Variants in SAMD4B observed in about 807,000 individuals in gnomAD.
The protein encoded by SAMD4B is sterile alpha motif domain containing 4B, also known as protein Smaug homolog 2.
In SAMD4B, 5 loss-of-function variants were observed where a neutral mutation model predicts 74.5. The ratio of observed to expected loss-of-function variants is 0.07; its 90% CI spans 0.04 to 0.14. The LOEUF is 0.14. Among genes scored for constraint, SAMD4B ranks in the 10% least tolerant of loss-of-function variants. The pLI is 1.00. For synonymous variants in SAMD4B, 373 were observed against 374.9 expected, an observed-to-expected ratio of 1.00 and a Z score of 0.06; for missense variants, 608 against 921.8, an observed-to-expected ratio of 0.66 and a Z score of 4.41.
intron 3 of SAMD4B, among the ~76,000 whole-genome samples, chr19:39,368,932 A>T (rs985676212): frequency 6.6e-6 from 1 of 152,202 alleles, no homozygotes; most frequent in Non-Finnish European, 1.5e-5. Flanking sequence ...TAACTACCAT[A>T]TACCACTGCC....
intron 1 of SAMD4B, among the ~76,000 whole-genome samples, chr19:39,347,748 GTTGAA>G (rs1201558265): frequency 1.3e-5 from 2 of 152,182 alleles, no homozygotes; most frequent in Non-Finnish European, 2.9e-5. Context: ...GTGTAAACTT[GTTGAA>G]TAGAAGCGGG....
chr19:39,379,564 A>G (rs1283771854), intron 9 of SAMD4B, among the ~76,000 whole-genome samples: 1 of 152,200 alleles, frequency 6.6e-6, no homozygotes, highest in African/African-American at 2.4e-5. Context: ...GGCACAGAGT[A>G]GATGAGCAAT....
rs2078135247 is a variant in SAMD4B, at chr19:39,383,582, A to G, written c.*55A>G. On this transcript the variant is annotated 3_prime_UTR_variant, in exon 14 of 14. Transcript: ENST00000610417. This position sits in a 1 kb window ranked among gnomAD's most constrained non-coding sequence, Gnocchi z 4.1. ...CTCCCTGGGCGGCGGGCGGGGGCCAACCCCCAACGGGCTTCTCCGCGACAG... is the reference window on the plus strand; with the variant it reads ...CTCCCTGGGCGGCGGGCGGGGGCCAGCCCCCAACGGGCTTCTCCGCGACAG... The G allele has an allele frequency of 1.2e-6, 2 of 1,613,964 alleles. No homozygotes were observed. The highest frequency in any genetic ancestry group is 1.7e-4 in the Middle Eastern group (1 of 6,060).
intron 3 of SAMD4B, 59 bp from the exon 4 acceptor site, chr19:39,369,596 A>T: frequency 2.9e-6 from 4 of 1,387,282 alleles, no homozygotes; most frequent in East Asian, 2.3e-5. Flanking sequence ...CAGTGCTCTC[A>T]GGTGAATAGG....
At chr19:39,368,209 G>A (rs141905401) in intron 3 of SAMD4B, among the ~76,000 whole-genome samples, 112 of 151,818 alleles carry the variant, frequency 7.4e-4, no homozygotes, top group Non-Finnish European at 1.3e-3. Context: ...GCGAGACTCC[G>A]CCTCAAAAAA....
intron 3 of SAMD4B, among the ~76,000 whole-genome samples, chr19:39,366,316 A>G (rs1291493288): frequency 1.3e-5 from 2 of 152,026 alleles, no homozygotes; most frequent in Non-Finnish European, 2.9e-5. Flanking sequence ...ACTCCATCAA[A>G]AAAAAATAGC....
At chr19:39,356,458 T>C (rs117967505) in intron 2 of SAMD4B, among the ~76,000 whole-genome samples, 1,825 of 152,298 alleles carry the variant, frequency 0.012, 11 homozygotes, top group Non-Finnish European at 0.019. Context: ...CAACATCTCC[T>C]TGGTCTCTGG....
At chr19:39,343,315 C>T (rs1374014022) in intron 1 of SAMD4B, among the ~76,000 whole-genome samples, 2 of 149,512 alleles carry the variant, frequency 1.3e-5, no homozygotes, top group Non-Finnish European at 3.0e-5. Context: ...CCCTGCATTT[C>T]TGATTCCCCC....
rs1477280778 is a variant in SAMD4B, at chr19:39,380,649, G to A, written c.1712G>A (p.Arg571His). The change falls in exon 11 of 14, where the codon CGT (arginine) becomes CAT (histidine). Residue 571 changes from arginine to histidine, a missense_variant. Physicochemically the swap from Arg to His is conservative, Grantham distance 29. Around this residue, in one of 9 missense-constraint regions of SAMD4B, gnomAD observed 167 missense variants for 193.0 expected, o/e 0.87. Coordinates refer to ENST00000610417, the MANE Select transcript of SAMD4B (RefSeq NM_001384574.2). Reference protein sequence around the residue: ...AGSVGMGVARRTQRQFPMPPR... With the variant: ...AGSVGMGVARHTQRQFPMPPR... ...TCTGTGGGGATGGGAGTGGCCCGGCGTACCCAGCGGCAGTTCCCAATGCCT... is the reference window on the plus strand; with the variant it reads ...TCTGTGGGGATGGGAGTGGCCCGGCATACCCAGCGGCAGTTCCCAATGCCT... The A allele has an allele frequency of 5.6e-6, 9 of 1,614,060 alleles. No homozygotes were observed. The highest frequency in any genetic ancestry group is 6.8e-6 in the Non-Finnish European group (8 of 1,180,000).
intron 9 of SAMD4B, among the ~76,000 whole-genome samples, chr19:39,379,490 C>T (rs576415078): frequency 6.6e-6 from 1 of 152,302 alleles, no homozygotes; most frequent in African/African-American, 2.4e-5. Flanking sequence ...GTATCTTTCC[C>T]TCACAACCAG....
At chr19:39,351,603 G>A (rs1166118863) in intron 1 of SAMD4B, 1 of 152,092 alleles carries the variant, frequency 6.6e-6, no homozygotes, top group Non-Finnish European at 1.5e-5. Context: ...AAAAGAGTGG[G>A]CCACAAGGGG....
chr19:39,372,760 G>T (rs981138117), intron 4 of SAMD4B, among the ~76,000 whole-genome samples: 1 of 152,092 alleles, frequency 6.6e-6, no homozygotes, highest in Non-Finnish European at 1.5e-5. Context: ...CTACTTCTTG[G>T]CTGAGAAGGG....
At chr19:39,353,358 T>C (rs1426210863) in intron 1 of SAMD4B, among the ~76,000 whole-genome samples, 1 of 152,226 alleles carries the variant, frequency 6.6e-6, no homozygotes, top group Non-Finnish European at 1.5e-5. Context: ...TACAAAGTTA[T>C]ATAAAGATAG....
intron 3 of SAMD4B, among the ~76,000 whole-genome samples, chr19:39,358,168 G>A (rs1032568136): frequency 2.0e-5 from 3 of 152,166 alleles, no homozygotes; most frequent in African/African-American, 7.2e-5. Flanking sequence ...CTACTCGGGA[G>A]GCTGAGGCAA....
At chr19:39,354,349 T>TGAA (rs1230851940) in intron 2 of SAMD4B, among the ~76,000 whole-genome samples, 2 of 152,202 alleles carry the variant, frequency 1.3e-5, no homozygotes, top group African/African-American at 4.8e-5. Context: ...AGTCTTCTCT[T>TGAA]CCCCAGAGGA....
downstream of SAMD4B, chr19:39,386,860 T>C (rs2078263036): frequency 5.4e-6 from 6 of 1,109,352 alleles, no homozygotes; most frequent in South Asian, 7.4e-5. The surrounding 1 kb of genome is among the most constrained non-coding windows in gnomAD (Gnocchi z 6.1). Context: ...CACCTCCCAC[T>C]TCCCCGCCCC....
chr19:39,386,355 T>C, downstream of SAMD4B: 1 of 1,614,146 alleles, frequency 6.2e-7, no homozygotes, highest in East Asian at 2.2e-5. The surrounding 1 kb of genome is among the most constrained non-coding windows in gnomAD (Gnocchi z 6.1). Context: ...CGAGTGCTCA[T>C]CTTCACTGCC....
At chr19:39,344,303 A>G (rs948435155) in intron 1 of SAMD4B, among the ~76,000 whole-genome samples, 1 of 150,496 alleles carries the variant, frequency 6.6e-6, no homozygotes, top group Admixed American at 6.6e-5. Context: ...CTCTCAGAAG[A>G]CCCCGCCTTC....
At chr19:39,388,188 G>T, downstream of SAMD4B, 3 of 744,906 alleles carry the variant, frequency 4.0e-6, no homozygotes, top group Non-Finnish European at 6.7e-6. Flanking sequence ...ACCAAGTCCA[G>T]CTCATGTGCA....
Sources: gnomAD v4.1 joint callset for allele counts (sites outside exome capture counted in the v4.1 genomes callset) on GRCh38, gnomAD v4.1.1 for gene constraint, gnomAD v4.1.1 regional missense constraint, Gnocchi (gnomAD v3.1) non-coding constraint, MANE v1.5 for transcripts, NCBI Gene and HGNC (gene_info 2026-07-23, HGNC 2026-07-21) for gene names.